The following RBFOX1 variants were observed in gnomAD, a reference collection of about 807,000 sequenced individuals.
RBFOX1 encodes RNA binding fox-1 homolog 1.
In RBFOX1, 8 loss-of-function variants were observed where a neutral mutation model predicts 57.7. The observed-to-expected ratio is 0.14, with a 90% CI of 0.08 to 0.25. The LOEUF (loss-of-function observed/expected upper bound fraction) is 0.25. Among genes scored for constraint, RBFOX1 ranks in the 10% least tolerant of loss-of-function variants. RBFOX1 has a pLI of 1.00. For missense variants in RBFOX1, 611 were observed against 548.5 expected (o/e 1.11, Z -1.14); for synonymous variants, 326 against 222.4 (o/e 1.47, Z -4.15).
intron 1 of RBFOX1, among the ~76,000 whole-genome samples, chr16:6,083,133 C>G (rs2096031870): frequency 6.6e-6 from 1 of 152,112 alleles, no homozygotes; most frequent in Non-Finnish European, 1.5e-5. Flanking sequence ...TCCTGAGTAG[C>G]TGGGACCAGA....
intron 1 of RBFOX1, among the ~76,000 whole-genome samples, chr16:5,415,073 G>T (rs943487231): frequency 6.6e-6 from 1 of 152,144 alleles, no homozygotes; most frequent in African/African-American, 2.4e-5. Flanking sequence ...GTGAACTGAA[G>T]ATCAGACATT....
intron 1 of RBFOX1, among the ~76,000 whole-genome samples, chr16:5,293,235 T>C (rs2063577905): frequency 1.3e-5 from 2 of 152,042 alleles, no homozygotes; most frequent in African/African-American, 4.8e-5. Flanking sequence ...GCAGGAGTTA[T>C]CGCTTGAACC....
At chr16:6,746,512 A>G (rs2073688811) in intron 3 of RBFOX1, among the ~76,000 whole-genome samples, 1 of 151,976 alleles carries the variant, frequency 6.6e-6, no homozygotes, top group Non-Finnish European at 1.5e-5. Context: ...CCTCATCTCA[A>G]CAAAAAATAC....
At chr16:6,543,937 A>G (rs905688264) in intron 2 of RBFOX1, among the ~76,000 whole-genome samples, 4 of 152,186 alleles carry the variant, frequency 2.6e-5, no homozygotes, top group Admixed American at 6.5e-5. Context: ...TAAAAAGTAT[A>G]AGGGCATTTT....
At chr16:6,960,263 G>A (rs900681530) in intron 3 of RBFOX1, among the ~76,000 whole-genome samples, 1 of 152,152 alleles carries the variant, frequency 6.6e-6, no homozygotes, top group Non-Finnish European at 1.5e-5. Flanking sequence ...GGCTGCAGAG[G>A]AAGGTCTTCA....
chr16:7,358,106 C>T (rs1374488075), intron 4 of RBFOX1, among the ~76,000 whole-genome samples: 1 of 152,178 alleles, frequency 6.6e-6, no homozygotes, highest in Non-Finnish European at 1.5e-5. Context: ...ACAAGACTTC[C>T]ACTTCTTACT....
intron 6 of RBFOX1, among the ~76,000 whole-genome samples, chr16:7,582,592 C>T (rs186894213): frequency 1.3e-5 from 2 of 152,292 alleles, no homozygotes; most frequent in East Asian, 3.9e-4. Flanking sequence ...TTCTCATTGG[C>T]TCCCTGCACT....
intron 1 of RBFOX1, among the ~76,000 whole-genome samples, chr16:5,418,229 A>C (rs986285811): frequency 6.6e-6 from 1 of 152,168 alleles, no homozygotes; most frequent in Admixed American, 6.5e-5. Context: ...ATTGGCAAGC[A>C]TATTAGAGTG....
intron 5 of RBFOX1, among the ~76,000 whole-genome samples, chr16:7,531,592 A>G (rs959886880): frequency 3.3e-5 from 5 of 152,200 alleles, no homozygotes; most frequent in African/African-American, 7.2e-5. Context: ...TCCATGAGCC[A>G]TGCACTATGT....
intron 1 of RBFOX1, among the ~76,000 whole-genome samples, chr16:6,243,588 C>A (rs1036411938): frequency 1.3e-5 from 2 of 152,154 alleles, no homozygotes; most frequent in African/African-American, 2.4e-5. Flanking sequence ...TAATCATGGT[C>A]CGTATAGACT....
At chr16:7,499,643 CAGTA>C (rs1371627054) in intron 4 of RBFOX1, among the ~76,000 whole-genome samples, 2 of 152,062 alleles carry the variant, frequency 1.3e-5, no homozygotes, top group East Asian at 3.9e-4. Context: ...CGAGAAAAAA[CAGTA>C]AGTGAAGAGG....
At chr16:7,165,503 C>T (rs545905034) in intron 4 of RBFOX1, among the ~76,000 whole-genome samples, 2 of 151,794 alleles carry the variant, frequency 1.3e-5, no homozygotes, top group South Asian at 4.2e-4. Flanking sequence ...GATCTCGGCT[C>T]ACCGCACCCT....
chr16:6,928,983 G>A (rs372591273), intron 3 of RBFOX1, among the ~76,000 whole-genome samples: 416 of 152,214 alleles, frequency 2.7e-3, no homozygotes, highest in Non-Finnish European at 4.3e-3. Flanking sequence ...AGATGTTCAC[G>A]GTGCAAGCGT....
At chr16:5,411,052 A>G (rs940816102) in intron 1 of RBFOX1, among the ~76,000 whole-genome samples, 3 of 152,226 alleles carry the variant, frequency 2.0e-5, no homozygotes, top group Non-Finnish European at 2.9e-5. Flanking sequence ...ATCCTCCTCC[A>G]TAGTGGGCTG....
chr16:7,198,215 C>T (rs748579607), intron 4 of RBFOX1, among the ~76,000 whole-genome samples: 1 of 151,926 alleles, frequency 6.6e-6, no homozygotes, highest in African/African-American at 2.4e-5. Flanking sequence ...CCGTGTTAGC[C>T]AGGATGTTTT....
intron 14 of RBFOX1, among the ~76,000 whole-genome samples, chr16:7,688,018 A>T (rs1464922911): frequency 1.3e-5 from 2 of 152,018 alleles, no homozygotes; most frequent in Non-Finnish European, 2.9e-5. Context: ...TCCTAGCTGA[A>T]TATTTATTAA....
chr16:6,851,708 A>G (rs916470435), intron 3 of RBFOX1, among the ~76,000 whole-genome samples: 1 of 152,080 alleles, frequency 6.6e-6, no homozygotes, highest in African/African-American at 2.4e-5. Flanking sequence ...ATGCCAGGCA[A>G]AGGACTTTGG....
intron 1 of RBFOX1, among the ~76,000 whole-genome samples, chr16:5,414,151 A>T (rs114239682): frequency 6.6e-6 from 1 of 152,122 alleles, no homozygotes; most frequent in African/African-American, 2.4e-5. Context: ...GGTTCTAACA[A>T]TCATTGCGCC....
At chr16:5,753,567 T>A (rs1213883293) in intron 3 of RBFOX1, among the ~76,000 whole-genome samples, 1 of 152,154 alleles carries the variant, frequency 6.6e-6, no homozygotes, top group Non-Finnish European at 1.5e-5. Context: ...TGCAGCCAGC[T>A]TGTATTGGCT....
Sources: gnomAD v4.1 joint callset for allele counts (sites outside exome capture counted in the v4.1 genomes callset) on GRCh38, gnomAD v4.1.1 for gene constraint, MANE v1.5 for transcripts, NCBI Gene and HGNC (gene_info 2026-07-23, HGNC 2026-07-21) for gene names.